Variants in ZNF844 observed in about 807,000 individuals in gnomAD.
ZNF844 encodes the protein zinc finger protein 844.
In ZNF844, 11 loss-of-function variants were observed where a neutral mutation model predicts 11.4. That is an observed-to-expected ratio of 0.97 (90% CI 0.61 to 1.60). The LOEUF is 1.60. ZNF844 is among the 40% of genes most tolerant of loss of function. The pLI is 0.00. For missense variants in ZNF844, 790 were observed against 796.8 expected (o/e 0.99, Z 0.10); for synonymous variants, 248 against 260.3 (o/e 0.95, Z 0.46).
At chr19:12,075,196 A>C (rs994333116) in intron 3 of ZNF844, 116 bp from the exon 4 acceptor site, 23 of 737,054 alleles carry the variant, frequency 3.1e-5, no homozygotes, top group Admixed American at 2.3e-4. Flanking sequence ...TAAAACTTAA[A>C]GTATATTAAT....
chr19:12,067,607 CAAAAA>C (rs772282496), intron 1 of ZNF844, among the ~76,000 whole-genome samples: 1 of 37,442 alleles, frequency 2.7e-5, no homozygotes, highest in African/African-American at 6.4e-5. Flanking sequence ...AACTCTGTCT[CAAAAA>C]AAAAAAAAAA....
At chr19:12,074,880 A>G (rs1395712035) in intron 3 of ZNF844, among the ~76,000 whole-genome samples, 1 of 152,212 alleles carries the variant, frequency 6.6e-6, no homozygotes, top group African/African-American at 2.4e-5. Flanking sequence ...TAGTATTTGT[A>G]AAATAGTCTA....
At chr19:12,067,677 G>C (rs1402061578) in intron 1 of ZNF844, among the ~76,000 whole-genome samples, 1 of 150,670 alleles carries the variant, frequency 6.6e-6, no homozygotes, top group Non-Finnish European at 1.5e-5. Flanking sequence ...AGCACTTTGG[G>C]AGGCCGAGGT....
chr19:12,074,190 T>C, intron 2 of ZNF844, 33 bp downstream of exon 2: 1 of 1,611,178 alleles, frequency 6.2e-7, no homozygotes, highest in Non-Finnish European at 8.5e-7. Flanking sequence ...CCCCAGTGAA[T>C]GAGACAAGTG....
intron 1 of ZNF844, 129 bp downstream of exon 1, chr19:12,065,005 GC>G: frequency 7.9e-6 from 8 of 1,016,074 alleles, no homozygotes; most frequent in Non-Finnish European, 1.1e-5. Flanking sequence ...TGGGGCCCGA[GC>G]CCCGCTGGCG....
At position 12,075,329 on chromosome 19, in the gene ZNF844, G is replaced by C. The variant is rs1568360139; in HGVS notation, c.209G>C (p.Arg70Thr). The change falls in exon 4 of 4, where the codon AGA becomes ACA. Residue 70 changes from arginine (R) to threonine (T), a missense_variant. This residue lies in a region of ZNF844 where 129 missense variants were observed against 144.0 expected (regional missense o/e 0.90). Coordinates refer to ENST00000439326, the MANE Select transcript of ZNF844 (RefSeq NM_001136501.3). ...TTTCACAGAAGTCTTCTGGGAGAGA[G>C]AGTTGATGAAAATACAGAAGAAAAT... is the stretch of plus-strand genomic sequence containing the variant. ...RNNLRSLLGERVDENTEENHC... is the reference protein window; with the variant it reads ...RNNLRSLLGETVDENTEENHC... The C allele has an allele frequency of 6.8e-7, 1 of 1,460,296 alleles. No homozygotes were observed. The highest frequency in any genetic ancestry group is 2.5e-5 in the East Asian group (1 of 39,384). The allele number at this position is 1,460,296 out of a possible 1,614,324, so 90.5% of individuals were successfully genotyped here.
intron 1 of ZNF844, among the ~76,000 whole-genome samples, chr19:12,065,792 G>C (rs1975681309): frequency 6.6e-6 from 1 of 151,758 alleles, no homozygotes; most frequent in South Asian, 2.1e-4. Context: ...ACGCCACCAC[G>C]CCCTGCTGAT....
rs527826455 is a variant in ZNF844, at chr19:12,069,343, CG to C, written c.3+4469del. Among the ~76,000 whole-genome samples, 6 of 151,428 alleles carry C rather than the reference CG, an allele frequency of 4.0e-5. 1 individual carries two copies. Among genetic ancestry groups the C allele is most frequent in the Admixed American group, 3.9e-4 (6 of 15,192 alleles). On this transcript the variant is annotated intron_variant, in intron 1 of 3. Transcript: ENST00000439326. ...GATTACAGGCGCCCAGCACCATGCCCGGCTAATTTTTTGTATTGTTAGTAGA... is the reference window on the plus strand; with the variant it reads ...GATTACAGGCGCCCAGCACCATGCCCGCTAATTTTTTGTATTGTTAGTAGA...
chr19:12,066,920 C>G (rs1975695504), intron 1 of ZNF844, among the ~76,000 whole-genome samples: 1 of 152,114 alleles, frequency 6.6e-6, no homozygotes, highest in East Asian at 1.9e-4. Context: ...ACAAGAGAAG[C>G]AGTTGGCTAG....
chr19:12,076,114 T>G lies in ZNF844; in HGVS notation c.994T>G (p.Ser332Ala), dbSNP rs756783088. 1.3e-6 allele frequency: 2 copies of G among 1,568,808 alleles called. No individual in the cohort carries two copies. Among genetic ancestry groups the G allele is most frequent in the African/African-American group, 2.7e-5 (2 of 73,176 alleles). ...TCTTTGTAGACATGAAGTGACCCACTCTGGGAAAAAGCCCTGTGAATGTAA... is the reference window on the plus strand; with the variant it reads ...TCTTTGTAGACATGAAGTGACCCACGCTGGGAAAAAGCCCTGTGAATGTAA... ...SYLCRHEVTH[S>A]GKKPCECKQC... Residue 332 changes from serine to alanine, a missense_variant, in exon 4 of 4, where the codon TCT (serine) becomes GCT (alanine). This residue lies in a region of ZNF844 where 657 missense variants were observed against 636.2 expected (regional missense o/e 1.03). Transcript: ENST00000439326.
rs1416738946 is a variant in ZNF844 at position 12,076,967 on chromosome 19, T to C, written c.1847T>C (p.Val616Ala). 6.2e-7 allele frequency: 1 copy of C among 1,603,038 alleles called. No homozygotes were observed. The highest frequency in any genetic ancestry group is 8.5e-7 in the Non-Finnish European group (1 of 1,174,440). Residue 616 changes from valine (V) to alanine (A), a missense_variant, in exon 4 of 4, where the codon GTA becomes GCA. Around this residue, in one of 3 missense-constraint regions of ZNF844, gnomAD observed 657 missense variants for 636.2 expected, o/e 1.03. Transcript: ENST00000439326. The part of the protein sequence containing the change: ...EHTLERNPMN[V>A]RNAEKRSIIF... ...ACCCTGGAGAGAAACCCTATGAATG[T>C]AAGGAATGCGGAAAAGCGTTCAATT...
intron 1 of ZNF844, chr19:12,070,268 T>C (rs1460222345): frequency 6.6e-6 from 1 of 152,138 alleles, no homozygotes; most frequent in Admixed American, 6.6e-5. Context: ...GGCTGTTTTA[T>C]GCTTAAAAAC....
In ZNF844 at chr19:12,075,853, A is replaced by G. The variant is rs755068602; in HGVS notation, c.733A>G (p.Arg245Gly). 9 of 1,611,422 alleles carry G rather than the reference A, an allele frequency of 5.6e-6. No homozygotes were observed. The highest frequency in any genetic ancestry group is 5.9e-6 in the Non-Finnish European group (7 of 1,178,926). ...TTCAACTTCCCTTCAAATACATGAAAGAACTCACACTGGAGAGAAGCCTTA... is the reference window on the plus strand; with the variant it reads ...TTCAACTTCCCTTCAAATACATGAAGGAACTCACACTGGAGAGAAGCCTTA... The part of the protein sequence containing the change: ...SYSTSLQIHE[R>G]THTGEKPYEC... The change falls in exon 4 of 4, where the codon AGA becomes GGA. Residue 245 changes from arginine to glycine, a missense_variant. Around this residue, in one of 3 missense-constraint regions of ZNF844, gnomAD observed 657 missense variants for 636.2 expected, o/e 1.03. Coordinates refer to ENST00000439326, the MANE Select transcript of ZNF844 (RefSeq NM_001136501.3).
intron 1 of ZNF844, among the ~76,000 whole-genome samples, chr19:12,065,878 G>C (rs536021852): frequency 3.3e-5 from 5 of 151,882 alleles, no homozygotes; most frequent in African/African-American, 1.2e-4. Flanking sequence ...CAGGTGATCC[G>C]CCCGCATCGG....
intron 1 of ZNF844, among the ~76,000 whole-genome samples, chr19:12,065,780 G>T (rs1457221315): frequency 6.6e-6 from 1 of 151,766 alleles, no homozygotes; most frequent in Non-Finnish European, 1.5e-5. Context: ...GGGGTTACAG[G>T]CACGCCACCA....
At chr19:12,071,479 C>T (rs1245253072) in intron 1 of ZNF844, among the ~76,000 whole-genome samples, 1 of 152,300 alleles carries the variant, frequency 6.6e-6, no homozygotes, top group African/African-American at 2.4e-5. Context: ...CAGCAAGCTG[C>T]ACTTTTTTTT....
intron 1 of ZNF844, among the ~76,000 whole-genome samples, chr19:12,072,467 A>G (rs985139867): frequency 5.9e-5 from 9 of 151,862 alleles, no homozygotes; most frequent in Admixed American, 1.3e-4. Context: ...AGGCACCACC[A>G]TACTGTTTTC....
In ZNF844 at chr19:12,064,891, C is replaced by T. The variant is rs1373839056; in HGVS notation, c.3+15C>T. On this transcript the variant is annotated intron_variant, in intron 1 of 3. Transcript: ENST00000439326. Reference sequence around the variant, plus strand: ...GCCAGGAAATGGTGAGTGTGAGCCCCCGCTGGGAGTCCCGAGACTTGGGGG... The same window carrying T: ...GCCAGGAAATGGTGAGTGTGAGCCCTCGCTGGGAGTCCCGAGACTTGGGGG... 1 of 1,549,002 alleles carries T rather than the reference C, an allele frequency of 6.5e-7. No individual in the cohort carries two copies. The highest frequency in any genetic ancestry group is 2.0e-5 in the Admixed American group (1 of 50,750).
chr19:12,067,840 A>C (rs1975706814), intron 1 of ZNF844, among the ~76,000 whole-genome samples: 1 of 150,232 alleles, frequency 6.7e-6, no homozygotes, highest in Non-Finnish European at 1.5e-5. Flanking sequence ...TGAACCCAGG[A>C]GGTGGAGCTT....
Sources: allele counts gnomAD v4.1 joint callset (sites outside exome capture counted in the v4.1 genomes callset), GRCh38; gene constraint gnomAD v4.1.1; regional missense constraint gnomAD v4.1.1; transcripts MANE v1.5; gene names NCBI Gene and HGNC (gene_info 2026-07-23, HGNC 2026-07-21).